Variants in SSUH2 observed in about 807,000 individuals in gnomAD.
SSUH2 encodes the protein ssu-2 homolog.
SSUH2 carries 47 observed loss-of-function variants against 55.3 expected under a neutral mutation model. That is an observed-to-expected ratio of 0.85 (90% CI 0.67 to 1.08). SSUH2 has a LOEUF of 1.08. Among genes scored for constraint, SSUH2 ranks in the 50% least tolerant of loss-of-function variants. The pLI, the probability that SSUH2 is intolerant of heterozygous loss-of-function variation, is 0.00. For synonymous variants in SSUH2, 212 were observed against 191.5 expected (o/e 1.11, Z -0.89); for missense variants, 535 against 490.7 (o/e 1.09, Z -0.85).
At chr3:8,659,697 A>G (rs148011563) in intron 6 of SSUH2, 2 of 448,184 alleles carry the variant, frequency 4.5e-6, no homozygotes, top group South Asian at 1.6e-5. Context: ...GTATTCATCC[A>G]TCTACCATGC....
intron 5 of SSUH2, 37 bp from the exon 6 acceptor site, chr3:8,630,966 G>T: frequency 7.5e-7 from 1 of 1,339,398 alleles, no homozygotes; most frequent in Non-Finnish European, 9.7e-7. Context: ...AATGACGAAG[G>T]GCAGCAGGGA....
chr3:8,661,951 T>C (rs1365577371), intron 6 of SSUH2, among the ~76,000 whole-genome samples: 1 of 152,222 alleles, frequency 6.6e-6, no homozygotes, highest in African/African-American at 2.4e-5. Flanking sequence ...TTTCCCCTTT[T>C]GCTTGGCTCT....
intron 6 of SSUH2, among the ~76,000 whole-genome samples, chr3:8,662,149 A>G (rs538250039): frequency 2.0e-5 from 3 of 152,298 alleles, no homozygotes; most frequent in East Asian, 3.9e-4. Flanking sequence ...CTTTGTTCCA[A>G]TGGGAGACAC....
chr3:8,679,104 C>A (rs1318758794), intron 2 of SSUH2, among the ~76,000 whole-genome samples: 1 of 107,984 alleles, frequency 9.3e-6, no homozygotes, highest in Admixed American at 9.0e-5. Context: ...CTCTTTCCCC[C>A]CTGGCTCTTA....
At chr3:8,647,865 T>C (rs780593850), upstream of SSUH2, among the ~76,000 whole-genome samples, 22 of 152,144 alleles carry the variant, frequency 1.4e-4, no homozygotes, top group Non-Finnish European at 2.9e-4. Flanking sequence ...GCAGGCTGGG[T>C]GGATGGAGAC....
At chr3:8,665,656 C>A (rs928849318) in intron 5 of SSUH2, among the ~76,000 whole-genome samples, 32 of 152,188 alleles carry the variant, frequency 2.1e-4, no homozygotes, top group Non-Finnish European at 5.9e-5. Context: ...CGTTCACCAA[C>A]GCAAAAGCCA....
intron 3 of SSUH2, 41 bp downstream of exon 3, chr3:8,635,257 CAT>C: frequency 6.8e-7 from 1 of 1,478,010 alleles, no homozygotes; most frequent in Non-Finnish European, 9.1e-7. Context: ...GCAATAGTGA[CAT>C]AGGAAATGCA....
In SSUH2 at chr3:8,625,730, T is replaced by C. The variant is rs946077286; in HGVS notation, c.768-83A>G. 5.3e-6 allele frequency: 5 copies of C among 938,592 alleles called. No individual in the cohort carries two copies. In the African/African-American group the frequency reaches 6.5e-5, roughly 12 times the overall value. The allele number at this position is 938,592 out of a possible 1,614,324, so 58.1% of individuals were successfully genotyped here. The stretch of plus-strand genomic sequence containing the variant: ...CCTTTGCAATCAGACAGACCTGGGG[T>C]TGAGGGCTTGAATTGCTACTGGAGG... On this transcript the variant is annotated intron_variant, in intron 9 of 11. Transcript: ENST00000544814.
rs144236878 is a variant in SSUH2 at position 8,673,666 on chromosome 3, G to A, written c.-752-1631C>T. Among the ~76,000 whole-genome samples, 757 of 152,254 alleles carry A rather than the reference G, an allele frequency of 5.0e-3. 4 individuals carry two copies. Among genetic ancestry groups the A allele is most frequent in the African/African-American group, 0.016 (685 of 41,550 alleles). On this transcript the variant is annotated intron_variant, in intron 3 of 18. Transcript: ENST00000317371. Reference sequence around the variant, plus strand: ...AGGCAAAAGGCGGAGAGGGCTCCACGCAGCAACTAAGTGGCTAGAGGAACA... The same window carrying A: ...AGGCAAAAGGCGGAGAGGGCTCCACACAGCAACTAAGTGGCTAGAGGAACA...
chr3:8,626,327 A>G lies in SSUH2; in HGVS notation c.675-6T>C, dbSNP rs1361972971. The G allele has an allele frequency of 6.2e-7, 1 of 1,612,992 alleles. No homozygotes were observed. Among genetic ancestry groups the G allele is most frequent in the Non-Finnish European group, 8.5e-7 (1 of 1,179,126 alleles). ...TCCCTGAGCAAGTGCTGCATCTGAG[A>G]AAGGCACAGAGTCCGTACCCCCAGA... On this transcript the variant is annotated splice_region_variant and splice_polypyrimidine_tract_variant and intron_variant, in intron 8 of 11. Coordinates refer to ENST00000544814, the MANE Select transcript of SSUH2 (RefSeq NM_001256748.3).
At position 8,653,911 on chromosome 3, in the gene SSUH2, G is replaced by A. The variant is rs111705644; in HGVS notation, c.-307+5014C>T. 9.5e-4 allele frequency among the ~76,000 whole-genome samples: 144 copies of A among 152,270 alleles called. 1 individual carries two copies. The highest frequency in any genetic ancestry group is 3.3e-3 in the African/African-American group (138 of 41,568). On this transcript the variant is annotated intron_variant, in intron 7 of 18. Coordinates refer to the SSUH2 transcript ENST00000317371. ...CCTCCCGACCCTTCCACCCCACCCA[G>A]TGGGAACCGTTCCCCTGCCTGTAAC...
rs550055358 is a variant in SSUH2, at chr3:8,679,282, G to A, written c.-901+423C>T. 1.5e-3 allele frequency among the ~76,000 whole-genome samples: 105 copies of A among 68,786 alleles called. 6 individuals carry two copies. The highest frequency in any genetic ancestry group is 3.7e-3 in the Admixed American group (23 of 6,178). The allele number at this position is 68,786 out of a possible 152,430, so 45.1% of individuals were successfully genotyped here. A position where few individuals can be genotyped will look rare whatever the true frequency, so the allele number is the denominator to read the frequency against. Reference sequence around the variant, plus strand: ...CCCCTGGCTTTTAGGACCCCCATCGGAGGGGGGGAGCCACCCCCCATGAGG... The same window carrying A: ...CCCCTGGCTTTTAGGACCCCCATCGAAGGGGGGGAGCCACCCCCCATGAGG... On this transcript the variant is annotated intron_variant, in intron 2 of 18. Coordinates refer to the SSUH2 transcript ENST00000317371.
At chr3:8,632,234 C>T (rs1698941548) in intron 4 of SSUH2, 125 bp from the exon 5 acceptor site, 4 of 727,926 alleles carry the variant, frequency 5.5e-6, no homozygotes, top group Admixed American at 2.4e-5. Flanking sequence ...TGCACAACAC[C>T]CTCGGCTGCT....
intron 2 of SSUH2, among the ~76,000 whole-genome samples, chr3:8,679,292 GC>G (rs1559572353): frequency 1.3e-5 from 1 of 75,238 alleles, no homozygotes; most frequent in African/African-American, 4.2e-5. Context: ...GAGGGGGGGA[GC>G]CACCCCCCAT....
intron 1 of SSUH2, 42 bp downstream of exon 1, chr3:8,644,689 T>A: frequency 6.6e-7 from 1 of 1,524,142 alleles, no homozygotes; most frequent in Non-Finnish European, 8.8e-7. Context: ...GGCTAAAATA[T>A]CTCCACACAG....
At chr3:8,645,461 T>C (rs567443195), upstream of SSUH2, among the ~76,000 whole-genome samples, 11 of 152,294 alleles carry the variant, frequency 7.2e-5, no homozygotes, top group East Asian at 1.7e-3. Context: ...CCTTTTCCAT[T>C]GGAGTTTGAC....
chr3:8,679,103 C>G (rs1238000742), intron 2 of SSUH2, among the ~76,000 whole-genome samples: 1 of 109,686 alleles, frequency 9.1e-6, no homozygotes, highest in African/African-American at 3.1e-5. Context: ...CCTCTTTCCC[C>G]CCTGGCTCTT....
intron 3 of SSUH2, among the ~76,000 whole-genome samples, chr3:8,676,986 T>TCCCTCTTCCCCC (rs1705410899): frequency 7.9e-6 from 1 of 125,980 alleles, no homozygotes; most frequent in Non-Finnish European, 1.7e-5. Context: ...TGAGAGCCAG[T>TCCCTCTTCCCCC]ACCTCTTCCC....
At chr3:8,628,044 T>C (rs1352952903) in intron 7 of SSUH2, among the ~76,000 whole-genome samples, 1 of 152,138 alleles carries the variant, frequency 6.6e-6, no homozygotes, top group Non-Finnish European at 1.5e-5. Flanking sequence ...CCACAACCCC[T>C]GAGACCTGAC....
Sources: allele counts gnomAD v4.1 joint callset (sites outside exome capture counted in the v4.1 genomes callset), GRCh38; gene constraint gnomAD v4.1.1; transcripts MANE v1.5; gene names NCBI Gene and HGNC (gene_info 2026-07-23, HGNC 2026-07-21).